The following CIT variants were observed in gnomAD, a reference collection of about 807,000 sequenced individuals.
CIT encodes the protein citron Rho-interacting kinase.
CIT carries 79 observed loss-of-function variants against 272.7 expected under a neutral mutation model. That is an observed-to-expected ratio of 0.29 (90% CI 0.24 to 0.35). The LOEUF is 0.35. Among genes scored for constraint, CIT ranks in the 10% least tolerant of loss-of-function variants. CIT has a pLI of 1.00. For missense variants in CIT, 1,909 were observed against 2,618.3 expected, an observed-to-expected ratio of 0.73 and a Z score of 5.91; for synonymous variants, 948 against 995.6, an observed-to-expected ratio of 0.95 and a Z score of 0.90.
intron 4 of CIT, among the ~76,000 whole-genome samples, chr12:119,855,503 C>T (rs753675922): frequency 4.4e-4 from 67 of 152,232 alleles, no homozygotes; most frequent in Middle Eastern, 3.4e-3. Context: ...GGTGGGCGTG[C>T]GGGCCTCTCC....
intron 3 of CIT, among the ~76,000 whole-genome samples, chr12:119,861,229 G>C (rs1262247375): frequency 6.6e-6 from 1 of 152,104 alleles, no homozygotes; most frequent in East Asian, 1.9e-4. Flanking sequence ...AGTATCTAAG[G>C]GCCCAGTGGG....
chr12:119,784,209 G>T lies in CIT; in HGVS notation c.1402-158C>A. ...AATACCATTGTTTCTTCGCCCAGGA[G>T]CGCACAGTTCTTCGTTAAGGACAGT... On this transcript the variant is annotated intron_variant, in intron 11 of 47. Coordinates refer to ENST00000392521, the MANE Select transcript of CIT (RefSeq NM_001206999.2). The surrounding 1 kb of genome is among the most constrained non-coding windows in gnomAD (Gnocchi z 4.7). 6.2e-7 allele frequency: 1 copy of T among 1,604,356 alleles called. No homozygotes were observed. The highest frequency in any genetic ancestry group is 8.5e-7 in the Non-Finnish European group (1 of 1,174,330).
chr12:119,809,720 C>T (rs1048267033), intron 9 of CIT, among the ~76,000 whole-genome samples: 1 of 152,190 alleles, frequency 6.6e-6, no homozygotes, highest in Non-Finnish European at 1.5e-5. Flanking sequence ...GGGGTCCTGC[C>T]CCATAACCTG....
chr12:119,704,308 T>A, intron 41 of CIT, 55 bp downstream of exon 41: 1 of 1,528,288 alleles, frequency 6.5e-7, no homozygotes, highest in Non-Finnish European at 9.1e-7. Context: ...ACTGGCTCGC[T>A]GAGAGAGCAG....
At chr12:119,787,180 G>A (rs1158063861) in intron 10 of CIT, among the ~76,000 whole-genome samples, 26 of 151,766 alleles carry the variant, frequency 1.7e-4, no homozygotes, top group Admixed American at 1.7e-3. Context: ...GCCCAGGCTG[G>A]TCTCAAATTC....
intron 28 of CIT, among the ~76,000 whole-genome samples, chr12:119,725,821 A>T (rs1385630352): frequency 1.3e-5 from 2 of 152,244 alleles, no homozygotes; most frequent in Admixed American, 1.3e-4. Context: ...GAAGGAAAAT[A>T]GGACAGGCAA....
At chr12:119,818,834 C>T (rs765752541) in intron 9 of CIT, among the ~76,000 whole-genome samples, 3 of 152,146 alleles carry the variant, frequency 2.0e-5, no homozygotes, top group Non-Finnish European at 4.4e-5. Context: ...TTGCATAAAA[C>T]GTACAAGTGT....
chr12:119,720,043 G>A (rs1283727992), intron 30 of CIT, among the ~76,000 whole-genome samples: 1 of 152,256 alleles, frequency 6.6e-6, no homozygotes, highest in African/African-American at 2.4e-5. Flanking sequence ...CAAAAGGACT[G>A]GACTAGATCA....
rs1056020013 is a variant in CIT, at chr12:119,728,997, C to T, written c.3487-391G>A. 6.6e-6 allele frequency among the ~76,000 whole-genome samples: 1 copy of T among 152,152 alleles called. No homozygotes were observed. The highest frequency in any genetic ancestry group is 2.4e-5 in the African/African-American group (1 of 41,420). On this transcript the variant is annotated intron_variant, in intron 27 of 47. Coordinates refer to ENST00000392521, the MANE Select transcript of CIT (RefSeq NM_001206999.2). The surrounding 1 kb of genome is among the most constrained non-coding windows in gnomAD (Gnocchi z 4.3). ...AGGATCTTACGTCAAGTCAGAAAGG[C>T]CCATAACTAGACATGTATGCAAATA...
At chr12:119,823,541 G>A (rs1847808987) in intron 8 of CIT, among the ~76,000 whole-genome samples, 1 of 152,092 alleles carries the variant, frequency 6.6e-6, no homozygotes, top group Non-Finnish European at 1.5e-5. Flanking sequence ...CTAAAGGGAA[G>A]GAAATAAATT....
At chr12:119,729,801 T>C (rs1003795429) in intron 27 of CIT, among the ~76,000 whole-genome samples, 1 of 152,172 alleles carries the variant, frequency 6.6e-6, no homozygotes, top group Admixed American at 6.5e-5. Context: ...AATCAGATCG[T>C]TATTTTATTT....
At position 119,710,521 on chromosome 12, in the gene CIT, G is replaced by A. The variant is rs78839595; in HGVS notation, c.4935+19C>T. ...GGCTGTAACCAGACACCAGCTGGCC[G>A]TGCCCATGCAAGCATTACCTGGTCA... On this transcript the variant is annotated intron_variant, in intron 38 of 47. Coordinates refer to ENST00000392521, the MANE Select transcript of CIT (RefSeq NM_001206999.2). The surrounding 1 kb of genome is among the most constrained non-coding windows in gnomAD (Gnocchi z 5.6). 34,536 of 1,613,490 alleles carry A rather than the reference G, an allele frequency of 0.021. 476 individuals are homozygous for A. The highest frequency in any genetic ancestry group is 0.049 in the African/African-American group (3,691 of 75,006).
At chr12:119,846,427 G>GA (rs1204920371) in intron 5 of CIT, among the ~76,000 whole-genome samples, 1 of 152,184 alleles carries the variant, frequency 6.6e-6, no homozygotes, top group Non-Finnish European at 1.5e-5. Flanking sequence ...TCAGCTCAGA[G>GA]AAAAGAAATA....
chr12:119,865,357 T>C (rs901666839), intron 3 of CIT, among the ~76,000 whole-genome samples: 5 of 152,192 alleles, frequency 3.3e-5, no homozygotes, highest in Non-Finnish European at 7.3e-5. Context: ...TACTTATAAA[T>C]TTAAATATTC....
At chr12:119,800,291 A>C (rs1966083305) in intron 10 of CIT, among the ~76,000 whole-genome samples, 1 of 152,192 alleles carries the variant, frequency 6.6e-6, no homozygotes, top group Non-Finnish European at 1.5e-5. Flanking sequence ...CCCAAAGACA[A>C]CCAAACCTAG....
intron 44 of CIT, among the ~76,000 whole-genome samples, chr12:119,698,906 T>C (rs918252711): frequency 7.2e-5 from 11 of 152,228 alleles, no homozygotes; most frequent in African/African-American, 2.7e-4. Flanking sequence ...AGACTTTTCA[T>C]TGTATACCTT....
At chr12:119,745,485 T>G (rs1439462777) in intron 23 of CIT, among the ~76,000 whole-genome samples, 1 of 146,856 alleles carries the variant, frequency 6.8e-6, no homozygotes, top group Non-Finnish European at 1.5e-5. Context: ...CATACAAAAG[T>G]TGAAGGAATT....
rs776480559 is a variant in CIT at position 119,730,609 on chromosome 12, G to A, written c.3372C>T (p.Ile1124=). The change falls in exon 27 of 48, where the codon ATC becomes ATT. Residue 1124 remains isoleucine, a synonymous_variant. Transcript: ENST00000392521. ...KQSRARADQR[I]TESRQVVELA... ...GCTCCACCACCTGGCGAGACTCGGT[G>A]ATCCGCTGATCGGCTCTCGCCCTGC... The A allele has an allele frequency of 6.9e-5, 112 of 1,613,904 alleles. No homozygotes were observed. Among genetic ancestry groups the A allele is most frequent in the Non-Finnish European group, 9.0e-5 (106 of 1,179,978 alleles).
intron 5 of CIT, among the ~76,000 whole-genome samples, chr12:119,846,987 C>CTTTTTTTTTTTT (rs35994050): frequency 1.4e-5 from 2 of 147,588 alleles, no homozygotes; most frequent in African/African-American, 5.0e-5. Flanking sequence ...AAGGGAACGT[C>CTTTTTTTTTTTT]TTTTTTTTTT....
Sources: allele counts gnomAD v4.1 joint callset (sites outside exome capture counted in the v4.1 genomes callset), GRCh38; gene constraint gnomAD v4.1.1; non-coding constraint Gnocchi (gnomAD v3.1); transcripts MANE v1.5; gene names NCBI Gene and HGNC (gene_info 2026-07-23, HGNC 2026-07-21).